Variants in CMKLR1 observed in about 807,000 individuals in gnomAD.
The protein encoded by CMKLR1 is chemerin-like receptor 1.
CMKLR1 carries 6 observed loss-of-function variants against 8.2 expected under a neutral mutation model. The observed-to-expected ratio is 0.73, with a 90% confidence interval of 0.40 to 1.44. The LOEUF (loss-of-function observed/expected upper bound fraction) is 1.44. Ranked by LOEUF, CMKLR1 falls within the 40% of genes most tolerant of loss-of-function variation. The pLI is 0.02. For missense variants in CMKLR1, 429 were observed against 478.0 expected, an observed-to-expected ratio of 0.90 and a Z score of 0.96; for synonymous variants, 178 against 181.2, an observed-to-expected ratio of 0.98 and a Z score of 0.14.
chr12:108,316,145 A>G (rs1210504672), intron 2 of CMKLR1, among the ~76,000 whole-genome samples: 1 of 152,214 alleles, frequency 6.6e-6, no homozygotes, highest in African/African-American at 2.4e-5. Flanking sequence ...AGAATTCAGG[A>G]CAGCAACTGC....
intron 2 of CMKLR1, among the ~76,000 whole-genome samples, chr12:108,299,723 G>A (rs1235874235): frequency 1.3e-5 from 2 of 152,132 alleles, no homozygotes; most frequent in Non-Finnish European, 1.5e-5. Context: ...AGATAGGAGG[G>A]ATGCTGCCCC....
At chr12:108,312,487 G>C (rs79581233) in intron 2 of CMKLR1, among the ~76,000 whole-genome samples, 1 of 152,184 alleles carries the variant, frequency 6.6e-6, no homozygotes, top group Admixed American at 6.5e-5. Flanking sequence ...AACCAAAACT[G>C]AGAGTCTGGG....
At chr12:108,293,788 A>T in intron 2 of CMKLR1, 124 bp from the exon 3 acceptor site, 3 of 634,062 alleles carry the variant, frequency 4.7e-6, no homozygotes, top group Non-Finnish European at 8.2e-6. Flanking sequence ...AGAAGGAAGC[A>T]GAAGTTCAGA....
At chr12:108,335,481 C>T (rs907357846) in intron 1 of CMKLR1, among the ~76,000 whole-genome samples, 7 of 152,232 alleles carry the variant, frequency 4.6e-5, no homozygotes, top group African/African-American at 1.7e-4. Flanking sequence ...ACCCTCCATT[C>T]AGAAATACTT....
chr12:108,293,523 C>T, intron 3 of CMKLR1, 66 bp downstream of exon 3: 1 of 1,530,616 alleles, frequency 6.5e-7, no homozygotes, highest in South Asian at 1.2e-5. Context: ...TTGTGATCCC[C>T]CTGTGCACCC....
At chr12:108,294,898 T>C (rs1437877888) in intron 2 of CMKLR1, among the ~76,000 whole-genome samples, 2 of 152,222 alleles carry the variant, frequency 1.3e-5, no homozygotes, top group East Asian at 3.8e-4. Context: ...AAGGTTATAT[T>C]TTATTACATA....
At position 108,313,946 on chromosome 12, in the gene CMKLR1, C is replaced by T. The variant is rs374512268; in HGVS notation, c.-74+16049G>A. Among the ~76,000 whole-genome samples the T allele has an allele frequency of 2.0e-5, 3 of 152,200 alleles. No individual in the cohort carries two copies. The South Asian group carries it at 6.2e-4, about 32-fold the overall frequency. On this transcript the variant is annotated intron_variant, in intron 2 of 3. Coordinates refer to ENST00000550402, the MANE Select transcript of CMKLR1 (RefSeq NM_001142343.2). ...TCCCTCCCCAGGCAGCAGCCACTTC[C>T]TCCCTTTAATCTCCGCCAGCACTTC...
rs1393225413 is a variant in CMKLR1, at chr12:108,296,300, C to T, written c.-73-2636G>A. 2.0e-5 allele frequency among the ~76,000 whole-genome samples: 3 copies of T among 152,238 alleles called. No individual in the cohort carries two copies. In the East Asian group the frequency reaches 5.8e-4, roughly 29 times the overall value. On this transcript the variant is annotated intron_variant, in intron 2 of 3. Transcript: ENST00000550402. ...TGTAAAATGGGCTTGATAATAATAG[C>T]TCCTGCCTCATAAGAAGATGGTTGT...
chr12:108,316,479 G>C (rs893265794), intron 2 of CMKLR1, among the ~76,000 whole-genome samples: 1 of 152,150 alleles, frequency 6.6e-6, no homozygotes. Context: ...AGAGCGGTCA[G>C]GGCAAAGCAG....
Position 108,292,516 on chromosome 12 carries a change from G to A in CMKLR1, c.447C>T (p.Asn149=), listed in dbSNP as rs1178655930. 2.5e-6 allele frequency: 4 copies of A among 1,614,232 alleles called. No individual in the cohort carries two copies. Among genetic ancestry groups the A allele is most frequent in the African/African-American group, 1.3e-5 (1 of 75,068 alleles). The change falls in exon 4 of 4, where the codon AAC becomes AAT. Residue 149 remains asparagine, a synonymous_variant. Transcript: ENST00000550402. ...ISVLLPVWSQ[N]HRSVRLAYMA... ...TGTAAGCCAGGCGAACGCTGCGGTG[G>A]TTCTGGGACCAGACAGGGAGGAGCA...
In CMKLR1 at chr12:108,289,131, TC is replaced by T. The variant is rs2137286150; in HGVS notation, c.*2709del. On this transcript the variant is annotated 3_prime_UTR_variant, in exon 4 of 4. Coordinates refer to ENST00000550402, the MANE Select transcript of CMKLR1 (RefSeq NM_001142343.2). ...CCTCCCCTATCCTCAAACACCATCT[TC>T]TTTTCTTTTCCCTCTACCTCTTGTC... 6.6e-6 allele frequency: 1 copy of T among 152,432 alleles called. No homozygotes were observed. The highest frequency in any genetic ancestry group is 2.4e-5 in the African/African-American group (1 of 41,540). 9.4% of individuals were successfully genotyped at this position (152,432 alleles called of 1,614,324 possible).
At chr12:108,295,691 C>T (rs1316660886) in intron 2 of CMKLR1, among the ~76,000 whole-genome samples, 3 of 152,182 alleles carry the variant, frequency 2.0e-5, no homozygotes, top group Non-Finnish European at 4.4e-5. Context: ...AAGGGCACGC[C>T]GGGCATCTCC....
At chr12:108,323,996 C>T (rs1240488352) in intron 2 of CMKLR1, among the ~76,000 whole-genome samples, 2 of 152,176 alleles carry the variant, frequency 1.3e-5, no homozygotes, top group African/African-American at 2.4e-5. Context: ...CAGTCCAGCC[C>T]TGGCAGGTCC....
intron 2 of CMKLR1, among the ~76,000 whole-genome samples, chr12:108,305,863 T>C (rs1331982090): frequency 6.6e-6 from 1 of 152,076 alleles, no homozygotes; most frequent in Non-Finnish European, 1.5e-5. Flanking sequence ...AGCTTAGGAC[T>C]CCATAAGAAT....
At chr12:108,316,943 A>G (rs1212124753) in intron 2 of CMKLR1, among the ~76,000 whole-genome samples, 1 of 151,796 alleles carries the variant, frequency 6.6e-6, no homozygotes, top group Non-Finnish European at 1.5e-5. Context: ...GGACTACTAC[A>G]GGCATACACC....
In CMKLR1 at chr12:108,292,262, AGGACTG is replaced by A. The variant is rs781207094; in HGVS notation, c.695_700del (p.Pro232_Val233del). 6.2e-7 allele frequency: 1 copy of A among 1,614,156 alleles called. No individual in the cohort carries two copies. Among genetic ancestry groups the A allele is most frequent in the Non-Finnish European group, 8.5e-7 (1 of 1,180,032 alleles). Reference sequence around the variant, plus strand: ...GGTGAGGTAGCAAGCTGTGATGATGAGGACTGGGACCAGGAAGCCACAGAGGAAGCG... The same window carrying A: ...GGTGAGGTAGCAAGCTGTGATGATGAGGACCAGGAAGCCACAGAGGAAGCG... On this transcript the variant is annotated inframe_deletion, in exon 4 of 4. Coordinates refer to ENST00000550402, the MANE Select transcript of CMKLR1 (RefSeq NM_001142343.2).
intron 2 of CMKLR1, among the ~76,000 whole-genome samples, chr12:108,303,215 A>G (rs530946012): frequency 6.6e-6 from 1 of 152,274 alleles, no homozygotes; most frequent in South Asian, 2.1e-4. Flanking sequence ...CTGTGCAAAG[A>G]GTCCTGGGCC....
At chr12:108,331,906 C>T (rs1892117868) in intron 1 of CMKLR1, among the ~76,000 whole-genome samples, 1 of 152,118 alleles carries the variant, frequency 6.6e-6, no homozygotes, top group Admixed American at 6.5e-5. Context: ...CTTCTGACCT[C>T]CAGAACTAAT....
rs915047025 is a variant in CMKLR1 at position 108,296,460 on chromosome 12, G to T, written c.-73-2796C>A. Among the ~76,000 whole-genome samples, 3 of 152,130 alleles carry T rather than the reference G, an allele frequency of 2.0e-5. No individual in the cohort carries two copies. In the South Asian group the frequency reaches 6.2e-4, roughly 32 times the overall value. ...TCTTTGCCTGGGAAGGTGGGATGAG[G>T]CTAGGAAGCCAGAGGACCAGTGAGT... On this transcript the variant is annotated intron_variant, in intron 2 of 3. Coordinates refer to ENST00000550402, the MANE Select transcript of CMKLR1 (RefSeq NM_001142343.2).
Sources: gnomAD v4.1 joint callset for allele counts (sites outside exome capture counted in the v4.1 genomes callset) on GRCh38, gnomAD v4.1.1 for gene constraint, MANE v1.5 for transcripts, NCBI Gene and HGNC (gene_info 2026-07-23, HGNC 2026-07-21) for gene names.